The following CDH13 variants were observed in gnomAD, a reference collection of about 807,000 sequenced individuals.
CDH13 encodes the protein cadherin 13.
In CDH13, 24 loss-of-function variants were observed where a neutral mutation model predicts 63.8. The ratio of observed to expected loss-of-function variants is 0.38; its 90% CI spans 0.27 to 0.53. The LOEUF (loss-of-function observed/expected upper bound fraction) is 0.53. Among genes scored for constraint, CDH13 ranks in the 20% least tolerant of loss-of-function variants. CDH13 has a pLI of 0.85. For synonymous variants in CDH13, 503 were observed against 355.3 expected (o/e 1.42, Z -4.67); for missense variants, 1,049 against 903.1 (o/e 1.16, Z -2.07).
intron 7 of CDH13, among the ~76,000 whole-genome samples, chr16:83,539,147 A>T (rs1234710228): frequency 2.0e-5 from 3 of 152,152 alleles, no homozygotes; most frequent in Non-Finnish European, 4.4e-5. Context: ...TCTTGGCACC[A>T]GGGACCGGTT....
chr16:82,812,296 G>GAAGTCAT (rs2151182392), intron 1 of CDH13, among the ~76,000 whole-genome samples: 1 of 152,224 alleles, frequency 6.6e-6, no homozygotes, highest in South Asian at 2.1e-4. Flanking sequence ...GGAGCACTAG[G>GAAGTCAT]AAGTCATTAG....
chr16:82,797,374 T>A (rs1380323377), intron 1 of CDH13, among the ~76,000 whole-genome samples: 1 of 152,202 alleles, frequency 6.6e-6, no homozygotes, highest in Non-Finnish European at 1.5e-5. Context: ...CATGCATCAT[T>A]AGTGCAGAGC....
At chr16:83,448,011 C>T (rs972676834) in intron 6 of CDH13, among the ~76,000 whole-genome samples, 3 of 152,102 alleles carry the variant, frequency 2.0e-5, no homozygotes, top group African/African-American at 7.2e-5. Flanking sequence ...CCAATAGGAA[C>T]TTGCCTGGAG....
chr16:82,717,473 A>G (rs1385359712), intron 1 of CDH13, among the ~76,000 whole-genome samples: 2 of 148,470 alleles, frequency 1.3e-5, no homozygotes, highest in South Asian at 4.3e-4. Flanking sequence ...CCACTCATCC[A>G]CACTTACTCT....
At chr16:82,828,351 C>G (rs1179816277) in intron 1 of CDH13, among the ~76,000 whole-genome samples, 2 of 152,154 alleles carry the variant, frequency 1.3e-5, no homozygotes, top group African/African-American at 2.4e-5. Flanking sequence ...AGTGTGGTGG[C>G]TCACGCCTGT....
At chr16:83,621,562 C>T (rs189047542) in intron 8 of CDH13, among the ~76,000 whole-genome samples, 7 of 136,030 alleles carry the variant, frequency 5.1e-5, no homozygotes, top group African/African-American at 1.7e-4. Flanking sequence ...TCTCGGCTCA[C>T]CGCAAACTCC....
intron 10 of CDH13, among the ~76,000 whole-genome samples, chr16:83,716,332 G>A (rs1316090222): frequency 1.3e-5 from 2 of 152,160 alleles, no homozygotes; most frequent in African/African-American, 2.4e-5. Context: ...AATCCCGTGG[G>A]TTTGGGCAAA....
At chr16:83,646,791 T>G (rs1567478187) in intron 8 of CDH13, among the ~76,000 whole-genome samples, 1 of 147,772 alleles carries the variant, frequency 6.8e-6, no homozygotes, top group African/African-American at 2.5e-5. Flanking sequence ...CAAATTCCCA[T>G]CCTACAGCCT....
intron 1 of CDH13, among the ~76,000 whole-genome samples, chr16:82,843,418 T>C (rs946740770): frequency 1.1e-4 from 17 of 152,304 alleles, no homozygotes; most frequent in South Asian, 2.1e-4. Flanking sequence ...ACCAGGCAGT[T>C]AGATTTTAAA....
intron 3 of CDH13, among the ~76,000 whole-genome samples, chr16:83,055,762 A>C (rs1007249007): frequency 6.6e-6 from 1 of 152,150 alleles, no homozygotes; most frequent in African/African-American, 2.4e-5. Flanking sequence ...GGCCAACATA[A>C]TCTTCTTTGC....
chr16:83,148,048 C>T, intron 4 of CDH13, among the ~76,000 whole-genome samples: 1 of 152,290 alleles, frequency 6.6e-6, no homozygotes, highest in Middle Eastern at 3.4e-3. Flanking sequence ...ATTGATTCTC[C>T]TGCCTCAGCC....
intron 2 of CDH13, among the ~76,000 whole-genome samples, chr16:82,919,531 GTCATGA>G (rs1448088425): frequency 2.2e-4 from 33 of 152,274 alleles, no homozygotes; most frequent in African/African-American, 7.7e-4. Flanking sequence ...TCCTGAAAAG[GTCATGA>G]TCTTGTTCTT....
At chr16:83,584,956 T>C (rs1353042394) in intron 7 of CDH13, among the ~76,000 whole-genome samples, 1 of 152,096 alleles carries the variant, frequency 6.6e-6, no homozygotes, top group African/African-American at 2.4e-5. Flanking sequence ...ACTCACTCAC[T>C]ACTGTGGGGG....
At chr16:83,580,161 G>C (rs926244763) in intron 7 of CDH13, among the ~76,000 whole-genome samples, 6 of 152,156 alleles carry the variant, frequency 3.9e-5, no homozygotes, top group South Asian at 2.1e-4. Flanking sequence ...GGTAGCAACA[G>C]GGAGTCATGC....
intron 1 of CDH13, among the ~76,000 whole-genome samples, chr16:82,689,185 A>G (rs888555502): frequency 1.3e-5 from 2 of 149,836 alleles, no homozygotes; most frequent in African/African-American, 2.5e-5. Context: ...TTTTTTCAAG[A>G]TAAAACCAGC....
chr16:83,080,875 T>TTTTTTTG (rs2033191383), intron 3 of CDH13, among the ~76,000 whole-genome samples: 5 of 92,602 alleles, frequency 5.4e-5, no homozygotes, highest in African/African-American at 1.4e-4. Flanking sequence ...TTTTGTGTTT[T>TTTTTTTG]TTTTTTTTTT....
chr16:82,758,307 G>C (rs540239098), intron 1 of CDH13, among the ~76,000 whole-genome samples: 2 of 152,194 alleles, frequency 1.3e-5, no homozygotes, highest in Admixed American at 6.5e-5. Flanking sequence ...ACTTGCAACA[G>C]CTGGACATCC....
chr16:83,774,158 G>A (rs554865128), intron 11 of CDH13, among the ~76,000 whole-genome samples: 12 of 152,224 alleles, frequency 7.9e-5, no homozygotes, highest in African/African-American at 1.9e-4. Context: ...GTGCATGGCC[G>A]GTGATACCAG....
chr16:83,742,345 G>T (rs757907434), intron 10 of CDH13, among the ~76,000 whole-genome samples: 1 of 152,198 alleles, frequency 6.6e-6, no homozygotes, highest in Non-Finnish European at 1.5e-5. Flanking sequence ...CCGACACCCA[G>T]AAGAGGCCGA....
Sources: allele counts gnomAD v4.1 joint callset (sites outside exome capture counted in the v4.1 genomes callset), GRCh38; gene constraint gnomAD v4.1.1; transcripts MANE v1.5; gene names NCBI Gene and HGNC (gene_info 2026-07-23, HGNC 2026-07-21).